The following PTPRD variants were observed in gnomAD, a reference collection of about 807,000 sequenced individuals.
PTPRD encodes receptor-type tyrosine-protein phosphatase delta.
PTPRD carries 34 observed loss-of-function variants against 214.5 expected under a neutral mutation model. That is an observed-to-expected ratio of 0.16 (90% CI 0.12 to 0.21). PTPRD has a LOEUF of 0.21. PTPRD is among the 10% of genes least tolerant of loss of function. PTPRD has a pLI of 1.00. For missense variants in PTPRD, 2,545 were observed against 2,398.7 expected (o/e 1.06, Z -1.27); for synonymous variants, 1,128 against 845.7 (o/e 1.33, Z -5.79).
At chr9:10,476,522 A>C (rs1001700457) in intron 2 of PTPRD, among the ~76,000 whole-genome samples, 2 of 152,236 alleles carry the variant, frequency 1.3e-5, no homozygotes, top group Non-Finnish European at 2.9e-5. Context: ...TTCCATACTC[A>C]TGGGTAGGAA....
chr9:8,882,448 G>A (rs1195168274), intron 11 of PTPRD, among the ~76,000 whole-genome samples: 2 of 152,150 alleles, frequency 1.3e-5, no homozygotes, highest in African/African-American at 2.4e-5. Flanking sequence ...CACAAAAGTA[G>A]AGAAATAGAT....
intron 7 of PTPRD, among the ~76,000 whole-genome samples, chr9:9,594,964 G>C (rs895289196): frequency 1.3e-5 from 2 of 151,818 alleles, no homozygotes; most frequent in Non-Finnish European, 2.9e-5. Flanking sequence ...ATCTACAAAT[G>C]GTCAACAAAC....
chr9:8,449,647 C>G, intron 34 of PTPRD, 78 bp downstream of exon 34: 1 of 1,302,954 alleles, frequency 7.7e-7, no homozygotes, highest in Non-Finnish European at 1.1e-6. Flanking sequence ...AAAGTGATAC[C>G]TTCAACTCTT....
chr9:8,921,890 G>C (rs1271676373), intron 11 of PTPRD, among the ~76,000 whole-genome samples: 1 of 152,152 alleles, frequency 6.6e-6, no homozygotes, highest in Non-Finnish European at 1.5e-5. Flanking sequence ...ACAGTCCAAA[G>C]TGCATTGGAA....
intron 10 of PTPRD, among the ~76,000 whole-genome samples, chr9:9,082,621 G>A (rs1440364793): frequency 6.6e-6 from 1 of 152,068 alleles, no homozygotes; most frequent in Admixed American, 6.6e-5. Context: ...GTCTTTCTTT[G>A]CGGATGACAT....
intron 6 of PTPRD, among the ~76,000 whole-genome samples, chr9:9,750,794 C>T (rs1158357566): frequency 6.6e-6 from 1 of 152,088 alleles, no homozygotes; most frequent in Non-Finnish European, 1.5e-5. Flanking sequence ...TATTTAATCT[C>T]TAAATTTTAT....
intron 10 of PTPRD, among the ~76,000 whole-genome samples, chr9:9,053,019 C>T (rs941470633): frequency 7.2e-5 from 11 of 152,050 alleles, no homozygotes; most frequent in Non-Finnish European, 1.0e-4. Context: ...TGGTGAATGA[C>T]AATTTCCAAT....
chr9:9,842,002 T>C (rs2058442697), intron 5 of PTPRD, among the ~76,000 whole-genome samples: 1 of 152,086 alleles, frequency 6.6e-6, no homozygotes. Context: ...ATATTTAATA[T>C]GTCTATGAAC....
intron 44 of PTPRD, among the ~76,000 whole-genome samples, chr9:8,322,258 C>T (rs777499778): frequency 2.6e-5 from 4 of 152,034 alleles, no homozygotes; most frequent in Non-Finnish European, 5.9e-5. Context: ...AAGGGAGAGT[C>T]GCGTGTATCT....
intron 7 of PTPRD, among the ~76,000 whole-genome samples, chr9:9,715,749 T>A (rs1483192638): frequency 2.0e-5 from 3 of 152,156 alleles, no homozygotes; most frequent in Non-Finnish European, 4.4e-5. Flanking sequence ...CAAAGAGAGG[T>A]TAATCAAAGC....
chr9:9,134,546 G>T (rs748828933), intron 10 of PTPRD, among the ~76,000 whole-genome samples: 5 of 152,030 alleles, frequency 3.3e-5, no homozygotes, highest in Non-Finnish European at 7.4e-5. Context: ...TTTTAAATTG[G>T]TACCACATCT....
intron 12 of PTPRD, among the ~76,000 whole-genome samples, chr9:8,678,031 T>A (rs1177569616): frequency 6.6e-6 from 1 of 152,180 alleles, no homozygotes; most frequent in Admixed American, 6.5e-5. Flanking sequence ...TGACAGCTTC[T>A]CTGTGTGACA....
intron 7 of PTPRD, among the ~76,000 whole-genome samples, chr9:9,616,058 T>C (rs2094839748): frequency 6.6e-6 from 1 of 152,232 alleles, no homozygotes; most frequent in Non-Finnish European, 1.5e-5. Flanking sequence ...CCTGTAGTGC[T>C]TATATAGGAC....
intron 11 of PTPRD, among the ~76,000 whole-genome samples, chr9:8,896,634 T>G (rs2098614727): frequency 6.6e-6 from 1 of 152,194 alleles, no homozygotes; most frequent in African/African-American, 2.4e-5. Flanking sequence ...GAGGAGTAGG[T>G]AATTCTGAGA....
At chr9:8,709,163 C>T (rs1346185210) in intron 12 of PTPRD, among the ~76,000 whole-genome samples, 4 of 151,970 alleles carry the variant, frequency 2.6e-5, no homozygotes, top group Non-Finnish European at 5.9e-5. Context: ...GGAATAAGTT[C>T]AACAGATCTA....
chr9:10,498,014 C>G (rs1248528939), intron 2 of PTPRD, among the ~76,000 whole-genome samples: 1 of 151,954 alleles, frequency 6.6e-6, no homozygotes, highest in Non-Finnish European at 1.5e-5. Flanking sequence ...GTCATGACTT[C>G]AGTTAACAGA....
intron 2 of PTPRD, among the ~76,000 whole-genome samples, chr9:10,474,051 G>A (rs2099047461): frequency 6.6e-6 from 1 of 151,966 alleles, no homozygotes; most frequent in Non-Finnish European, 1.5e-5. Context: ...ATAAAGACCA[G>A]TGACACTATG....
At chr9:10,463,544 A>T (rs527256834) in intron 2 of PTPRD, among the ~76,000 whole-genome samples, 2 of 152,200 alleles carry the variant, frequency 1.3e-5, no homozygotes, top group African/African-American at 4.8e-5. Context: ...ACTACAAAAA[A>T]AGTGTTGAGA....
intron 9 of PTPRD, among the ~76,000 whole-genome samples, chr9:9,288,770 G>A (rs552923910): frequency 1.8e-4 from 27 of 151,946 alleles, no homozygotes; most frequent in Non-Finnish European, 3.5e-4. Context: ...ACGTGTCATG[G>A]GTGGGACCCA....
Sources: allele counts gnomAD v4.1 joint callset (sites outside exome capture counted in the v4.1 genomes callset), GRCh38; gene constraint gnomAD v4.1.1; transcripts MANE v1.5; gene names NCBI Gene and HGNC (gene_info 2026-07-23, HGNC 2026-07-21).